The following DOT1L variants were observed in gnomAD, a reference collection of about 807,000 sequenced individuals.
The protein encoded by DOT1L is DOT1 like histone lysine methyltransferase.
A neutral mutation model predicts 153.3 loss-of-function variants in DOT1L; 33 were observed. The observed-to-expected ratio is 0.22, with a 90% CI of 0.16 to 0.29. DOT1L has a LOEUF of 0.29. Among genes scored for constraint, DOT1L ranks in the 10% least tolerant of loss-of-function variants. The pLI is 1.00. For missense variants in DOT1L, 1,847 were observed against 2,119.9 expected, an observed-to-expected ratio of 0.87 and a Z score of 2.53; for synonymous variants, 1,135 against 965.1, an observed-to-expected ratio of 1.18 and a Z score of -3.26.
In DOT1L at chr19:2,223,358, C is replaced by A. The variant is rs757682801; in HGVS notation, c.3468C>A (p.Pro1156=). 1 of 1,613,830 alleles carries A rather than the reference C, an allele frequency of 6.2e-7. No individual in the cohort carries two copies. Among genetic ancestry groups the A allele is most frequent in the Middle Eastern group, 1.6e-4 (1 of 6,062 alleles). Residue 1156 remains proline, a synonymous_variant, in exon 25 of 28, where the codon CCC becomes CCA. Coordinates refer to ENST00000398665, the MANE Select transcript of DOT1L (RefSeq NM_032482.3). ...PETSLKSSPV[P]YQDHDQPPVL... ...CCTCCCTGAAGAGCTCCCCTGTGCC[C>A]TACCAGGACCACGACCAGCCCCCCG...
Position 2,231,652 on chromosome 19 carries a change from CCGAGCCT to C in DOT1L, c.*1861_*1867del, listed in dbSNP as rs1460555828. 9.3e-6 allele frequency: 2 copies of C among 214,224 alleles called. No homozygotes were observed. The highest frequency in any genetic ancestry group is 1.9e-5 in the Non-Finnish European group (2 of 106,222). 13.3% of individuals were successfully genotyped at this position (214,224 alleles called of 1,614,324 possible). Reference sequence around the variant, plus strand: ...TGTGCCTCTGCCTGAGCCCCAAGCCCCGAGCCTGGCCTTCAGGACAGGCAGCCTGCTC... The same window carrying C: ...TGTGCCTCTGCCTGAGCCCCAAGCCCGGCCTTCAGGACAGGCAGCCTGCTC... On this transcript the variant is annotated 3_prime_UTR_variant, in exon 28 of 28. Transcript: ENST00000398665.
chr19:2,182,599 C>T (rs2022293459), intron 2 of DOT1L, among the ~76,000 whole-genome samples: 1 of 151,948 alleles, frequency 6.6e-6, no homozygotes, highest in East Asian at 1.9e-4. Flanking sequence ...CAGGTTCTGC[C>T]AGTGCTGCCC....
Position 2,217,738 on chromosome 19 carries a change from G to A in DOT1L, c.2545-34G>A. ...TCCCTGTGTCCTGGAGGGGTTTGTT[G>A]ACCCACGACTGGGGGTCGGGCCTTC... On this transcript the variant is annotated intron_variant, in intron 21 of 27. Coordinates refer to ENST00000398665, the MANE Select transcript of DOT1L (RefSeq NM_032482.3). This position sits in a 1 kb window ranked among gnomAD's most constrained non-coding sequence, Gnocchi z 7.3. The A allele has an allele frequency of 6.3e-7, 1 of 1,579,274 alleles. No individual in the cohort carries two copies. Among genetic ancestry groups the A allele is most frequent in the South Asian group, 1.2e-5 (1 of 86,424 alleles).
In DOT1L at chr19:2,190,172, G is replaced by A. The variant is rs1226011641; in HGVS notation, c.264+377G>A. On this transcript the variant is annotated intron_variant, in intron 4 of 27. Transcript: ENST00000398665. This position sits in a 1 kb window ranked among gnomAD's most constrained non-coding sequence, Gnocchi z 4.8. ...CCCTTGGACCTCCCCCACACCGCCT[G>A]CCTTCATCAGGCTGGATGCCGGCCT... 6.6e-6 allele frequency among the ~76,000 whole-genome samples: 1 copy of A among 152,138 alleles called. No individual in the cohort carries two copies. The highest frequency in any genetic ancestry group is 1.5e-5 in the Non-Finnish European group (1 of 68,006).
chr19:2,193,551 C>T lies in DOT1L; in HGVS notation c.494-138C>T, dbSNP rs181222738. 1.9e-3 allele frequency: 1,343 copies of T among 694,242 alleles called. 16 individuals are homozygous for T. Among genetic ancestry groups the T allele is most frequent in the Non-Finnish European group, 8.4e-4 (349 of 414,594 alleles). The allele number at this position is 694,242 out of a possible 1,614,324, so 43.0% of individuals were successfully genotyped here. On this transcript the variant is annotated intron_variant, in intron 5 of 27. Transcript: ENST00000398665. This position sits in a 1 kb window ranked among gnomAD's most constrained non-coding sequence, Gnocchi z 5.9. ...AGGATCCTGAGTGACCTTGGAGCAT[C>T]GGATATGTGTGGAGACTGTGGCCTC...
At position 2,197,622 on chromosome 19, in the gene DOT1L, A is replaced by G. The variant is rs1365254879; in HGVS notation, c.652-2262A>G. On this transcript the variant is annotated intron_variant, in intron 7 of 27. Transcript: ENST00000398665. The surrounding 1 kb of genome is among the most constrained non-coding windows in gnomAD (Gnocchi z 4.1). ...CTAGTGTGGCACAGGTGCTCCTGGC[A>G]TGGAGCTGCGTTCGTGGTCTGGATT... is the stretch of plus-strand genomic sequence containing the variant. 6.6e-6 allele frequency among the ~76,000 whole-genome samples: 1 copy of G among 152,180 alleles called. No individual in the cohort carries two copies. Among genetic ancestry groups the G allele is most frequent in the African/African-American group, 2.4e-5 (1 of 41,440 alleles).
chr19:2,177,827 C>T lies in DOT1L; in HGVS notation c.82-2886C>T, dbSNP rs146602115. 2.6e-3 allele frequency among the ~76,000 whole-genome samples: 390 copies of T among 151,816 alleles called. 4 individuals are homozygous for T. The highest frequency in any genetic ancestry group is 2.0e-3 in the Non-Finnish European group (133 of 67,910). ...CCCAGATTGGAGTGCAGTGGTGCGA[C>T]CTTGGCTCACTGCAAGCTCTGCTTC... On this transcript the variant is annotated intron_variant, in intron 1 of 27. Transcript: ENST00000398665.
In DOT1L at chr19:2,208,621, GTTC is replaced by G. The variant is rs987142286; in HGVS notation, c.964-309_964-307del. On this transcript the variant is annotated intron_variant, in intron 11 of 27. Coordinates refer to ENST00000398665, the MANE Select transcript of DOT1L (RefSeq NM_032482.3). This position sits in a 1 kb window ranked among gnomAD's most constrained non-coding sequence, Gnocchi z 4.4. ...CGCCTTCTCCTCTGAGGCGGGCGCG[GTTC>G]TTCTGTGCAGAAAGCCCTCCCTCTT... Among the ~76,000 whole-genome samples the G allele has an allele frequency of 3.9e-4, 59 of 152,320 alleles. No individual in the cohort carries two copies. Among genetic ancestry groups the G allele is most frequent in the African/African-American group, 1.4e-3 (57 of 41,578 alleles).
In DOT1L at chr19:2,164,048, G is replaced by GGCGGCC. The variant is rs2019811919; in HGVS notation, c.-135_-130dup. 2.1e-6 allele frequency: 1 copy of GGCGGCC among 468,726 alleles called. No individual in the cohort carries two copies. The highest frequency in any genetic ancestry group is 2.9e-6 in the Non-Finnish European group (1 of 343,612). 29.0% of individuals were successfully genotyped at this position (468,726 alleles called of 1,614,324 possible). On this transcript the variant is annotated 5_prime_UTR_variant, in exon 1 of 28. Transcript: ENST00000398665. ...ACCGGAGCGCGGCGGCGGCGGCGGCGGCGGCCGAGGCCGAGGCCAGGCCCC... is the reference window on the plus strand; with the variant it reads ...ACCGGAGCGCGGCGGCGGCGGCGGCGGCGGCCGCGGCCGAGGCCGAGGCCAGGCCCC...
Position 2,226,446 on chromosome 19 carries a change from G to A in DOT1L, c.3925G>A (p.Gly1309Ser). The A allele has an allele frequency of 6.2e-7, 1 of 1,601,760 alleles. No homozygotes were observed. Among genetic ancestry groups the A allele is most frequent in the Non-Finnish European group, 8.5e-7 (1 of 1,179,342 alleles). Reference protein sequence around the residue: ...SLSGADGLSPGTNPANGCTFG... With the variant: ...SLSGADGLSPSTNPANGCTFG... ...GTCGGGGGCTGACGGACTCAGCCCG[G>A]GCACCAACCCTGCCAACGGCTGCAC... The change falls in exon 27 of 28, where the codon GGC becomes AGC. Residue 1309 changes from glycine to serine, a missense_variant. By Grantham distance (56) the Gly-to-Ser change is moderately conservative. Coordinates refer to ENST00000398665, the MANE Select transcript of DOT1L (RefSeq NM_032482.3).
chr19:2,224,283 G>T (rs1451093031), intron 25 of DOT1L, among the ~76,000 whole-genome samples: 1 of 152,158 alleles, frequency 6.6e-6, no homozygotes, highest in African/African-American at 2.4e-5. Context: ...TGCCTGGGCG[G>T]AGGTGCTGGG....
intron 7 of DOT1L, among the ~76,000 whole-genome samples, chr19:2,195,645 T>C (rs912652876): frequency 6.6e-6 from 1 of 152,024 alleles, no homozygotes; most frequent in Non-Finnish European, 1.5e-5. Context: ...CCTGAGAAGC[T>C]TCCCTTATAA....
Position 2,229,963 on chromosome 19 carries a change from C to G in DOT1L, c.*171C>G. On this transcript the variant is annotated 3_prime_UTR_variant, in exon 28 of 28. Transcript: ENST00000398665. Reference sequence around the variant, plus strand: ...GCGCCGCAGGAGGCTGGGACTGGTCCAGTTTGTACTGTCGATAGTTTTAGA... The same window carrying G: ...GCGCCGCAGGAGGCTGGGACTGGTCGAGTTTGTACTGTCGATAGTTTTAGA... The G allele has an allele frequency of 1.0e-6, 1 of 998,314 alleles. No homozygotes were observed. The highest frequency in any genetic ancestry group is 1.5e-6 in the Non-Finnish European group (1 of 666,640). The allele number at this position is 998,314 out of a possible 1,614,324, so 61.8% of individuals were successfully genotyped here.
chr19:2,209,649 G>A (rs957225764), intron 12 of DOT1L, among the ~76,000 whole-genome samples: 4 of 152,272 alleles, frequency 2.6e-5, no homozygotes, highest in Admixed American at 6.5e-5. Context: ...GCCCGCTGGC[G>A]CTTCTGCAGC....
At chr19:2,200,195 C>T (rs771778826) in intron 8 of DOT1L, among the ~76,000 whole-genome samples, 10 of 152,158 alleles carry the variant, frequency 6.6e-5, no homozygotes, top group Non-Finnish European at 1.5e-4. Flanking sequence ...CTGCCTGTCC[C>T]CTTGACTTTG....
In DOT1L at chr19:2,179,554, T is replaced by G. The variant is rs1057049576; in HGVS notation, c.82-1159T>G. ...TGGGCACGGTGGCTCAGGCCTGTAA[T>G]CCCAATACTTTGGGAGGCTGAGGTG... On this transcript the variant is annotated intron_variant, in intron 1 of 27. Transcript: ENST00000398665. 5.2e-4 allele frequency among the ~76,000 whole-genome samples: 79 copies of G among 152,170 alleles called. 3 individuals carry two copies. Among genetic ancestry groups the G allele is most frequent in the Non-Finnish European group, 1.5e-5 (1 of 68,016 alleles).
In DOT1L at chr19:2,226,231, A is replaced by G. The variant is rs746296299; in HGVS notation, c.3710A>G (p.Asn1237Ser). The change falls in exon 27 of 28, where the codon AAT becomes AGT. Residue 1237 changes from asparagine (N) to serine (S), a missense_variant. Transcript: ENST00000398665. ...RKPAPAGEPV[N>S]SSKWKSTFSP... is the part of the protein sequence containing the mutation. The stretch of plus-strand genomic sequence containing the variant: ...CCCGCGCCCGCCGGCGAGCCAGTCA[A>G]TAGCAGCAAGTGGAAGTCCACCTTC... The G allele has an allele frequency of 3.6e-5, 56 of 1,551,336 alleles. No individual in the cohort carries two copies. Among genetic ancestry groups the G allele is most frequent in the African/African-American group, 2.1e-4 (15 of 72,870 alleles).
At position 2,191,339 on chromosome 19, in the gene DOT1L, C is replaced by T. The variant is rs545505472; in HGVS notation, c.493+99C>T. On this transcript the variant is annotated intron_variant, in intron 5 of 27. Coordinates refer to ENST00000398665, the MANE Select transcript of DOT1L (RefSeq NM_032482.3). The surrounding 1 kb of genome is among the most constrained non-coding windows in gnomAD (Gnocchi z 6.8). ...TGGAGAAGAGTTTATCAGGGACTTG[C>T]GACGTTGGCGTGGACAGTGCTTCCT... 5.3e-5 allele frequency: 66 copies of T among 1,255,302 alleles called. No individual in the cohort carries two copies. The East Asian group carries it at 8.6e-4, about 16-fold the overall frequency. The allele number at this position is 1,255,302 out of a possible 1,614,324, so 77.8% of individuals were successfully genotyped here. A position where few individuals can be genotyped will look rare whatever the true frequency, so the allele number is the denominator to read the frequency against.
rs755624747 is a variant in DOT1L at position 2,227,162 on chromosome 19, C to A, written c.4606+35C>A. On this transcript the variant is annotated intron_variant, in intron 27 of 27. Coordinates refer to ENST00000398665, the MANE Select transcript of DOT1L (RefSeq NM_032482.3). The stretch of plus-strand genomic sequence containing the variant: ...GCGGCCGTCCGTCCGCCCCCCGCCC[C>A]GGCCCCCGCCGGAGGCCCCTTCCTT... 8 of 1,570,662 alleles carry A rather than the reference C, an allele frequency of 5.1e-6. No individual in the cohort carries two copies. The South Asian group carries it at 6.9e-5, about 13-fold the overall frequency.
Sources: gnomAD v4.1 joint callset for allele counts (sites outside exome capture counted in the v4.1 genomes callset) on GRCh38, gnomAD v4.1.1 for gene constraint, Gnocchi (gnomAD v3.1) non-coding constraint, MANE v1.5 for transcripts, NCBI Gene and HGNC (gene_info 2026-07-23, HGNC 2026-07-21) for gene names.